OXR1: variants seen among roughly 807,000 people sequenced by gnomAD.
OXR1 encodes oxidation resistance 1, also known as oxidation resistance protein 1.
OXR1 carries 41 observed loss-of-function variants against 104.6 expected under a neutral mutation model. The observed-to-expected ratio is 0.39, with a 90% CI of 0.31 to 0.51. OXR1 has a LOEUF of 0.51. Among genes scored for constraint, OXR1 ranks in the 20% least tolerant of loss-of-function variants. The pLI, the probability that OXR1 is intolerant of heterozygous loss-of-function variation, is 0.77. For synonymous variants in OXR1, 348 were observed against 348.4 expected (o/e 1.00, Z 0.01); for missense variants, 955 against 1,031.9 (o/e 0.93, Z 1.02).
chr8:106,463,654 C>T (rs1276650900), intron 2 of OXR1, among the ~76,000 whole-genome samples: 1 of 152,092 alleles, frequency 6.6e-6, no homozygotes, highest in Non-Finnish European at 1.5e-5. Flanking sequence ...ATCAGTCTGT[C>T]TTGATTCAAA....
At position 106,742,552 on chromosome 8, in the gene OXR1, A is replaced by G. The variant is rs1835010953; in HGVS notation, c.2412+235A>G. The G allele has an allele frequency of 5.7e-6, 2 of 353,734 alleles. 1 individual carries two copies. The highest frequency in any genetic ancestry group is 8.0e-5 in the South Asian group (2 of 24,998). The allele number at this position is 353,734 out of a possible 1,614,324, so 21.9% of individuals were successfully genotyped here. A position where few individuals can be genotyped will look rare whatever the true frequency, so the allele number is the denominator to read the frequency against. ...ACGTTACGTGACTTCAAAGTATACT[A>G]CAAGGCTACAGTAACCAAAATAGCA... On this transcript the variant is annotated intron_variant, in intron 15 of 16. Transcript: ENST00000517566.
At chr8:106,606,501 AG>A (rs1820409837) in intron 3 of OXR1, among the ~76,000 whole-genome samples, 1 of 149,002 alleles carries the variant, frequency 6.7e-6, no homozygotes. Flanking sequence ...TACTAGAAAC[AG>A]GGTTTCACCA....
intron 3 of OXR1, among the ~76,000 whole-genome samples, chr8:106,629,239 G>GT (rs796819684): frequency 1.5e-3 from 219 of 146,360 alleles, no homozygotes; most frequent in African/African-American, 3.3e-3. Context: ...ATTCAAGTCT[G>GT]TTTTTTTTTT....
Position 106,519,022 on chromosome 8 carries a change from C to G in OXR1, c.103C>G (p.Gln35Glu). ...GGCTGGTGCAGGAAAGCAAACACCA[C>G]AAGCCAGTAAGCCCCCGGCACCCAA... is the stretch of plus-strand genomic sequence containing the variant. Reference protein sequence around the residue: ...PLAGAGKQTPQASKPPAPKTP... With the variant: ...PLAGAGKQTPEASKPPAPKTP... Residue 35 changes from glutamine to glutamate, a missense_variant, in exon 3 of 17, where the codon CAA becomes GAA. Gln to Glu is a conservative substitution (Grantham distance 29, BLOSUM62 2). Transcript: ENST00000517566. The G allele has an allele frequency of 6.4e-7, 1 of 1,551,254 alleles. No individual in the cohort carries two copies. Among genetic ancestry groups the G allele is most frequent in the Non-Finnish European group, 8.7e-7 (1 of 1,146,894 alleles).
chr8:106,408,902 G>T (rs1818350957), intron 2 of OXR1, among the ~76,000 whole-genome samples: 1 of 152,132 alleles, frequency 6.6e-6, no homozygotes, highest in Non-Finnish European at 1.5e-5. Flanking sequence ...CAACCTGTAG[G>T]TAATTAACAT....
chr8:106,375,734 AGT>A (rs1816882486), intron 2 of OXR1, among the ~76,000 whole-genome samples: 1 of 152,204 alleles, frequency 6.6e-6, no homozygotes, highest in Admixed American at 6.5e-5. Context: ...TGGAACAGAG[AGT>A]GTGTATACAA....
At chr8:106,648,230 A>G (rs1222724440) in intron 3 of OXR1, among the ~76,000 whole-genome samples, 1 of 152,222 alleles carries the variant, frequency 6.6e-6, no homozygotes, top group Non-Finnish European at 1.5e-5. Flanking sequence ...AGCTTGGTAT[A>G]TAGGATGACT....
chr8:106,440,036 AC>A (rs2130585682), intron 2 of OXR1, among the ~76,000 whole-genome samples: 1 of 152,162 alleles, frequency 6.6e-6, no homozygotes. Context: ...CACTGAATTG[AC>A]CTTTTATTTC....
chr8:106,740,150 C>T (rs1363340187), intron 13 of OXR1, 193 bp from the exon 14 acceptor site: 28 of 474,324 alleles, frequency 5.9e-5, no homozygotes, highest in Non-Finnish European at 9.2e-5. Context: ...TCCTAATAGA[C>T]AATTAATATT....
At chr8:106,594,795 C>T (rs539855288) in intron 3 of OXR1, among the ~76,000 whole-genome samples, 8 of 152,304 alleles carry the variant, frequency 5.3e-5, no homozygotes, top group East Asian at 1.9e-4. Context: ...GAACCAGAGC[C>T]GGGCTCTCCT....
At chr8:106,696,327 C>G (rs1830027226) in intron 7 of OXR1, among the ~76,000 whole-genome samples, 1 of 152,184 alleles carries the variant, frequency 6.6e-6, no homozygotes, top group African/African-American at 2.4e-5. Context: ...ACTAATATTA[C>G]TGAATATTCC....
chr8:106,436,744 C>T (rs1006028041), intron 2 of OXR1, among the ~76,000 whole-genome samples: 5 of 152,172 alleles, frequency 3.3e-5, no homozygotes, highest in Non-Finnish European at 5.9e-5. Flanking sequence ...GCAGAAGTAG[C>T]AGAATAGCTT....
chr8:106,405,172 A>AG lies in OXR1; in HGVS notation c.23+45536_23+45537insG, dbSNP rs1438997341. Reference sequence around the variant, plus strand: ...TATATATATATATATATATATATATATATATATATATATATATATATATAT... The same window carrying AG: ...TATATATATATATATATATATATATAGTATATATATATATATATATATATAT... On this transcript the variant is annotated intron_variant, in intron 2 of 16. Transcript: ENST00000517566. 9.4e-3 allele frequency among the ~76,000 whole-genome samples: 393 copies of AG among 41,654 alleles called. 2 individuals carry two copies. The highest frequency in any genetic ancestry group is 0.032 in the African/African-American group (277 of 8,634). 27.3% of individuals were successfully genotyped at this position (41,654 alleles called of 152,430 possible).
At chr8:106,554,194 G>A (rs1056577435) in intron 3 of OXR1, among the ~76,000 whole-genome samples, 4 of 152,162 alleles carry the variant, frequency 2.6e-5, no homozygotes, top group Non-Finnish European at 4.4e-5. Flanking sequence ...CATGTGCCCC[G>A]GATGTGATAT....
chr8:106,399,264 A>T (rs1817907594), intron 2 of OXR1, among the ~76,000 whole-genome samples: 1 of 152,182 alleles, frequency 6.6e-6, no homozygotes, highest in African/African-American at 2.4e-5. Context: ...AGTAAAAAGG[A>T]CTTGGGAAAT....
intron 8 of OXR1, among the ~76,000 whole-genome samples, chr8:106,703,969 T>C (rs1830842838): frequency 6.6e-6 from 1 of 152,176 alleles, no homozygotes; most frequent in South Asian, 2.1e-4. Flanking sequence ...TTAACCCTTG[T>C]GGGGCAGAGC....
intron 2 of OXR1, among the ~76,000 whole-genome samples, chr8:106,442,416 G>A (rs927016543): frequency 4.6e-5 from 7 of 152,016 alleles, no homozygotes; most frequent in Admixed American, 1.3e-4. Flanking sequence ...GTGTCAGGAC[G>A]GTACTGGCTT....
chr8:106,619,181 T>C (rs1395593950), intron 3 of OXR1, among the ~76,000 whole-genome samples: 2 of 152,210 alleles, frequency 1.3e-5, no homozygotes, highest in African/African-American at 2.4e-5. Flanking sequence ...ATGTATAATA[T>C]ACTTTACCAC....
intron 2 of OXR1, among the ~76,000 whole-genome samples, chr8:106,502,941 A>G (rs1232864088): frequency 1.3e-5 from 2 of 152,190 alleles, no homozygotes; most frequent in Non-Finnish European, 2.9e-5. Context: ...ACTTCTGGCA[A>G]GGCAAAATTG....
Sources: gnomAD v4.1 joint callset for allele counts (sites outside exome capture counted in the v4.1 genomes callset) on GRCh38, gnomAD v4.1.1 for gene constraint, MANE v1.5 for transcripts, NCBI Gene and HGNC (gene_info 2026-07-23, HGNC 2026-07-21) for gene names.